The following CILP2 variants were observed in gnomAD, a reference collection of about 807,000 sequenced individuals.
CILP2 encodes the protein cartilage intermediate layer protein 2, also known as CILP-2.
Under a neutral mutation model 45.6 loss-of-function variants are expected in CILP2, and 38 were observed. The observed-to-expected ratio is 0.83, with a 90% CI of 0.64 to 1.09. The LOEUF (loss-of-function observed/expected upper bound fraction) is 1.09, where lower values mean the gene tolerates loss of function less well. Among genes scored for constraint, CILP2 ranks in the 50% least tolerant of loss-of-function variants. CILP2 has a pLI of 0.00. For synonymous variants in CILP2, 780 were observed against 723.5 expected (o/e 1.08, Z -1.25); for missense variants, 1,735 against 1,662.2 (o/e 1.04, Z -0.76).
At position 19,541,237 on chromosome 19, in the gene CILP2, C is replaced by G. The variant is rs779061312; in HGVS notation, c.583C>G (p.Arg195Gly). The G allele has an allele frequency of 7.8e-6, 10 of 1,285,912 alleles. No individual in the cohort carries two copies. In the South Asian group the frequency reaches 1.6e-4, roughly 20 times the overall value. The allele number at this position is 1,285,912 out of a possible 1,614,324, so 79.7% of individuals were successfully genotyped here. Residue 195 changes from arginine (R) to glycine (G), a missense_variant, in exon 4 of 8, where the codon CGG becomes GGG. By Grantham distance (125) the Arg-to-Gly change is moderately radical. Transcript: ENST00000291495. ...GGAGGCGCAGAAGTGCGTGCGGCCT[C>G]GGTGTCCAGGTAGGAGGGGCGGGGT... is the stretch of plus-strand genomic sequence containing the variant. ...PLEAQKCVRP[R>G]CPGCSLDTCE...
chr19:19,543,335 C>T lies in CILP2; in HGVS notation c.1065C>T (p.Gly355=), dbSNP rs1438088139. ...ELRGLRPDQA[G]IYHCKAWNEA... Reference sequence around the variant, plus strand: ...GGGGACTGCGCCCAGACCAGGCTGGCATCTACCACTGCAAGGCATGGAATG... The same window carrying T: ...GGGGACTGCGCCCAGACCAGGCTGGTATCTACCACTGCAAGGCATGGAATG... The change falls in exon 7 of 8, where the codon GGC becomes GGT. Residue 355 remains glycine, a synonymous_variant. Transcript: ENST00000291495. The T allele has an allele frequency of 1.7e-5, 28 of 1,613,686 alleles. No individual in the cohort carries two copies. Among genetic ancestry groups the T allele is most frequent in the Non-Finnish European group, 2.3e-5 (27 of 1,179,980 alleles).
At chr19:19,539,639 A>C in intron 1 of CILP2, 40 bp from the exon 2 acceptor site, 2 of 1,433,012 alleles carry the variant, frequency 1.4e-6, no homozygotes, top group South Asian at 1.3e-5. Context: ...GGTCCCCATC[A>C]GTAGCAGCGT....
chr19:19,544,185 T>C lies in CILP2; in HGVS notation c.1640T>C (p.Val547Ala), dbSNP rs755571145. The C allele has an allele frequency of 1.2e-6, 2 of 1,613,738 alleles. No individual in the cohort carries two copies. Among genetic ancestry groups the C allele is most frequent in the Non-Finnish European group, 1.7e-6 (2 of 1,179,814 alleles). The change falls in exon 8 of 8, where the codon GTG becomes GCG. Residue 547 changes from valine (V) to alanine (A), a missense_variant. By Grantham distance (64) the Val-to-Ala change is moderately conservative. Coordinates refer to ENST00000291495, the MANE Select transcript of CILP2 (RefSeq NM_153221.2). The stretch of plus-strand genomic sequence containing the variant: ...CCTTTTGATCCTCGAGGTGCCGGCG[T>C]GTACCACGAGGTCAAGGCCATGCGG... ...VLPFDPRGAG[V>A]YHEVKAMRKK...
In CILP2 at chr19:19,544,292, G is replaced by A. The variant is rs772909721; in HGVS notation, c.1747G>A (p.Glu583Lys). ...GCTGGAAGATGAGGCGCCCCTGGGCGAGCTGGTCCTGCCTTCTGGCGCTTT... is the reference window on the plus strand; with the variant it reads ...GCTGGAAGATGAGGCGCCCCTGGGCAAGCTGGTCCTGCCTTCTGGCGCTTT... Reference protein sequence around the residue: ...GELEDEAPLGELVLPSGAFRR... With the variant: ...GELEDEAPLGKLVLPSGAFRR... The change falls in exon 8 of 8, where the codon GAG becomes AAG. Residue 583 changes from glutamate to lysine, a missense_variant. Glu to Lys is a moderately conservative substitution (Grantham distance 56). Transcript: ENST00000291495. 1.9e-6 allele frequency: 3 copies of A among 1,613,206 alleles called. No individual in the cohort carries two copies. Among genetic ancestry groups the A allele is most frequent in the Non-Finnish European group, 2.5e-6 (3 of 1,180,008 alleles).
Position 19,544,129 on chromosome 19 carries a change from C to T in CILP2, c.1584C>T (p.Ser528=), listed in dbSNP as rs112868711. ...TGGTGGTGACTTTTGTGGACCCCAG[C>T]GGTGAGTTCATGGACGCTGTCCGGG... ...QRLVVTFVDP[S]GEFMDAVRVL... is the part of the protein sequence containing the mutation. Residue 528 remains serine, a synonymous_variant, in exon 8 of 8, where the codon AGC becomes AGT. Transcript: ENST00000291495. 1 of 1,613,790 alleles carries T rather than the reference C, an allele frequency of 6.2e-7. No individual in the cohort carries two copies. The highest frequency in any genetic ancestry group is 1.1e-5 in the South Asian group (1 of 91,094).
chr19:19,544,435 C>T lies in CILP2; in HGVS notation c.1890C>T (p.Ser630=), dbSNP rs554965824. 3 of 1,609,704 alleles carry T rather than the reference C, an allele frequency of 1.9e-6. No homozygotes were observed. Among genetic ancestry groups the T allele is most frequent in the African/African-American group, 2.7e-5 (2 of 74,898 alleles). Residue 630 remains serine (S), a synonymous_variant, in exon 8 of 8, where the codon AGC becomes AGT. Transcript: ENST00000291495. ...CCAGTGACCTGCGCTTCGTGGACAGCGACGGCGAGCTGGCTCCACTGCGCA... is the reference window on the plus strand; with the variant it reads ...CCAGTGACCTGCGCTTCGTGGACAGTGACGGCGAGCTGGCTCCACTGCGCA... ...SAPSDLRFVD[S]DGELAPLRTY...
rs201276001 is a variant in CILP2 at position 19,543,757 on chromosome 19, T to C, written c.1212T>C (p.Gly404=). The C allele has an allele frequency of 2.2e-5, 36 of 1,613,652 alleles. No homozygotes were observed. The East Asian group carries it at 7.8e-4, about 35-fold the overall frequency. Residue 404 remains glycine, a synonymous_variant, in exon 8 of 8, where the codon GGT becomes GGC. Transcript: ENST00000291495. ...IKLPEDCGQP[G]SGPAYLDVGL... is the part of the protein sequence containing the mutation. Reference sequence around the variant, plus strand: ...TCCCTGAGGACTGTGGTCAGCCAGGTAGTGGCCCTGCCTACCTGGATGTGG... The same window carrying C: ...TCCCTGAGGACTGTGGTCAGCCAGGCAGTGGCCCTGCCTACCTGGATGTGG...
rs1470985772 is a variant in CILP2 at position 19,544,813 on chromosome 19, G to C, written c.2268G>C (p.Glu756Asp). 1 of 1,603,884 alleles carries C rather than the reference G, an allele frequency of 6.2e-7. No homozygotes were observed. Among genetic ancestry groups the C allele is most frequent in the African/African-American group, 1.3e-5 (1 of 74,926 alleles). The change falls in exon 8 of 8, where the codon GAG becomes GAC. Residue 756 changes from glutamate to aspartate, a missense_variant. Glu to Asp is a conservative substitution (Grantham distance 45). Coordinates refer to ENST00000291495, the MANE Select transcript of CILP2 (RefSeq NM_153221.2). ...AGTTCACCCCCAGCGAGCAGGTGGA[G>C]GGCGTGGTGGTCACGCTGGTCAATC... ...NDKFTPSEQV[E>D]GVVVTLVNLE...
chr19:19,544,192 C>T lies in CILP2; in HGVS notation c.1647C>T (p.His549=), dbSNP rs1376844701. Residue 549 remains histidine, a synonymous_variant, in exon 8 of 8, where the codon CAC becomes CAT. Coordinates refer to ENST00000291495, the MANE Select transcript of CILP2 (RefSeq NM_153221.2). ...PFDPRGAGVY[H]EVKAMRKKAP... is the part of the protein sequence containing the mutation. ...ATCCTCGAGGTGCCGGCGTGTACCACGAGGTCAAGGCCATGCGGAAGAAAG... is the reference window on the plus strand; with the variant it reads ...ATCCTCGAGGTGCCGGCGTGTACCATGAGGTCAAGGCCATGCGGAAGAAAG... The T allele has an allele frequency of 8.7e-6, 14 of 1,613,674 alleles. No individual in the cohort carries two copies. The highest frequency in any genetic ancestry group is 2.7e-5 in the African/African-American group (2 of 74,940).
chr19:19,544,340 T>C lies in CILP2; in HGVS notation c.1795T>C (p.Tyr599His). ...GAFRRADGKP[Y>H]SGPVEARVTF... ...TTTCCGCAGAGCCGACGGCAAACCC[T>C]ACTCGGGGCCTGTGGAGGCCCGGGT... Residue 599 changes from tyrosine to histidine, a missense_variant, in exon 8 of 8, where the codon TAC (tyrosine) becomes CAC (histidine). By Grantham distance (83) the Tyr-to-His change is moderately conservative. Transcript: ENST00000291495. The C allele has an allele frequency of 6.2e-7, 1 of 1,611,668 alleles. No individual in the cohort carries two copies. The highest frequency in any genetic ancestry group is 1.7e-5 in the Admixed American group (1 of 59,982).
Position 19,545,842 on chromosome 19 carries a change from C to T in CILP2, c.3297C>T (p.Ala1099=), listed in dbSNP as rs778029273. ...AGATGAAGGCTGATGCCGGCACAGCCGTCACCTTCCAGTGCCGGGAGCCAC... is the reference window on the plus strand; with the variant it reads ...AGATGAAGGCTGATGCCGGCACAGCTGTCACCTTCCAGTGCCGGGAGCCAC... ...SREMKADAGT[A]VTFQCREPPA... Residue 1099 remains alanine, a synonymous_variant, in exon 8 of 8, where the codon GCC becomes GCT. Transcript: ENST00000291495. 43 of 1,584,654 alleles carry T rather than the reference C, an allele frequency of 2.7e-5. No individual in the cohort carries two copies. In the Admixed American group the frequency reaches 3.6e-4, roughly 13 times the overall value.
chr19:19,543,880 A>G lies in CILP2; in HGVS notation c.1335A>G (p.Arg445=), dbSNP rs1221666489. 1 of 1,613,836 alleles carries G rather than the reference A, an allele frequency of 6.2e-7. No individual in the cohort carries two copies. The highest frequency in any genetic ancestry group is 1.7e-5 in the Admixed American group (1 of 59,998). The change falls in exon 8 of 8, where the codon AGA becomes AGG. Residue 445 remains arginine, a synonymous_variant. Coordinates refer to ENST00000291495, the MANE Select transcript of CILP2 (RefSeq NM_153221.2). The part of the protein sequence containing the change: ...SRCCSVRRLE[R]REIHCPGYVL... ...GCTGCTCTGTGCGCCGTCTGGAGAG[A>G]AGGGAGATTCACTGCCCTGGCTACG...
chr19:19,540,093 C>T (rs2061237949), intron 2 of CILP2, 111 bp from the exon 3 acceptor site: 3 of 1,365,220 alleles, frequency 2.2e-6, no homozygotes, highest in Non-Finnish European at 2.9e-6. Flanking sequence ...GCGCGCTCGG[C>T]TAGCCGGTGC....
In CILP2 at chr19:19,545,877, G is replaced by A; in HGVS notation, c.3332G>A (p.Arg1111Gln). The A allele has an allele frequency of 6.3e-7, 1 of 1,587,042 alleles. No homozygotes were observed. The highest frequency in any genetic ancestry group is 8.6e-7 in the Non-Finnish European group (1 of 1,161,260). Reference sequence around the variant, plus strand: ...CAGTGCCGGGAGCCACCGGCCGGACGACCCAGCCTCTTCCAGAGGCTGCTG... The same window carrying A: ...CAGTGCCGGGAGCCACCGGCCGGACAACCCAGCCTCTTCCAGAGGCTGCTG... ...TFQCREPPAGRPSLFQRLLES... is the reference protein window; with the variant it reads ...TFQCREPPAGQPSLFQRLLES... The change falls in exon 8 of 8, where the codon CGA becomes CAA. Residue 1111 changes from arginine (R) to glutamine (Q), a missense_variant. Physicochemically the swap from Arg to Gln is conservative, Grantham distance 43. Coordinates refer to ENST00000291495, the MANE Select transcript of CILP2 (RefSeq NM_153221.2).
chr19:19,539,563 CAAAAAAAAA>C lies in CILP2; in HGVS notation c.65-107_65-99del, dbSNP rs34962863. 1.0e-5 allele frequency: 4 copies of C among 392,260 alleles called. No homozygotes were observed. In the African/African-American group the frequency reaches 1.1e-4, roughly 10 times the overall value. 24.3% of individuals were successfully genotyped at this position (392,260 alleles called of 1,614,324 possible). ...TGGGTGACAGAGGGAGATTCCGTCT[CAAAAAAAAA>C]AAAAAAAAGGGGGGGGATGATCGTG... On this transcript the variant is annotated intron_variant, in intron 1 of 7. Transcript: ENST00000291495.
At chr19:19,540,147 G>C (rs755153512) in intron 2 of CILP2, 57 bp from the exon 3 acceptor site, 6 of 1,473,460 alleles carry the variant, frequency 4.1e-6, no homozygotes, top group Non-Finnish European at 5.4e-6. Flanking sequence ...GCCTTTGCAC[G>C]CATGCATGGG....
chr19:19,543,707 C>T lies in CILP2; in HGVS notation c.1162C>T (p.Arg388Trp), dbSNP rs779151671. 6.3e-6 allele frequency: 10 copies of T among 1,599,494 alleles called. No individual in the cohort carries two copies. Among genetic ancestry groups the T allele is most frequent in the East Asian group, 4.5e-5 (2 of 44,604 alleles). ...LAPGQPACDPRPREYLIKLPE... is the reference protein window; with the variant it reads ...LAPGQPACDPWPREYLIKLPE... Reference sequence around the variant, plus strand: ...CCCAGGCCAGCCAGCCTGCGACCCCCGGCCCCGAGAGTACCTGATCAAGCT... The same window carrying T: ...CCCAGGCCAGCCAGCCTGCGACCCCTGGCCCCGAGAGTACCTGATCAAGCT... Residue 388 changes from arginine to tryptophan, a missense_variant, in exon 8 of 8, where the codon CGG becomes TGG. Arg to Trp is a moderately radical substitution (Grantham distance 101). Coordinates refer to ENST00000291495, the MANE Select transcript of CILP2 (RefSeq NM_153221.2).
Position 19,543,501 on chromosome 19 carries a change from C to T in CILP2, c.1135+96C>T. ...CCCCAAATGGAGCCCCCACTTCAGACTGATCCAATCCTAGGCCTCCACTGA... is the reference window on the plus strand; with the variant it reads ...CCCCAAATGGAGCCCCCACTTCAGATTGATCCAATCCTAGGCCTCCACTGA... On this transcript the variant is annotated intron_variant, in intron 7 of 7. Transcript: ENST00000291495. The T allele has an allele frequency of 4.1e-6, 6 of 1,480,386 alleles. No homozygotes were observed. The Admixed American group carries it at 7.0e-5, about 17-fold the overall frequency. The allele number at this position is 1,480,386 out of a possible 1,614,324, so 91.7% of individuals were successfully genotyped here. A position where few individuals can be genotyped will look rare whatever the true frequency, so the allele number is the denominator to read the frequency against.
chr19:19,544,821 T>C lies in CILP2; in HGVS notation c.2276T>C (p.Val759Ala). The C allele has an allele frequency of 6.2e-7, 1 of 1,602,756 alleles. No homozygotes were observed. Among genetic ancestry groups the C allele is most frequent in the South Asian group, 1.1e-5 (1 of 91,048 alleles). The stretch of plus-strand genomic sequence containing the variant: ...CCCAGCGAGCAGGTGGAGGGCGTGG[T>C]GGTCACGCTGGTCAATCTGGAGCCC... ...FTPSEQVEGV[V>A]VTLVNLEPAP... Residue 759 changes from valine to alanine, a missense_variant, in exon 8 of 8, where the codon GTG becomes GCG. Coordinates refer to ENST00000291495, the MANE Select transcript of CILP2 (RefSeq NM_153221.2).
Sources: gnomAD v4.1 joint callset for allele counts on GRCh38, gnomAD v4.1.1 for gene constraint, MANE v1.5 for transcripts, NCBI Gene and HGNC (gene_info 2026-07-23, HGNC 2026-07-21) for gene names.